ANKRD55: variants seen among roughly 807,000 people sequenced by gnomAD.
ANKRD55 encodes the protein ankyrin repeat domain-containing protein 55.
Under a neutral mutation model 60.6 loss-of-function variants are expected in ANKRD55, and 41 were observed. That is an observed-to-expected ratio of 0.68 (90% confidence interval 0.53 to 0.88). The LOEUF is 0.88. Ranked by LOEUF, ANKRD55 falls within the 40% of genes least tolerant of loss-of-function variation. The pLI is 0.00. For missense variants in ANKRD55, 732 were observed against 767.6 expected (o/e 0.95, Z 0.55); for synonymous variants, 264 against 290.3 (o/e 0.91, Z 0.92).
At chr5:56,129,889 T>A (rs991550015) in intron 7 of ANKRD55, among the ~76,000 whole-genome samples, 1 of 152,176 alleles carries the variant, frequency 6.6e-6, no homozygotes, top group Non-Finnish European at 1.5e-5. Context: ...GGTTTTGTGA[T>A]GTGAGAAGAT....
At chr5:56,175,329 G>A (rs1758715022) in intron 4 of ANKRD55, among the ~76,000 whole-genome samples, 1 of 152,212 alleles carries the variant, frequency 6.6e-6, no homozygotes, top group South Asian at 2.1e-4. Flanking sequence ...GCAAGCCATA[G>A]CAAATGCAAG....
intron 7 of ANKRD55, among the ~76,000 whole-genome samples, chr5:56,136,339 C>G (rs1437704267): frequency 6.6e-6 from 1 of 152,176 alleles, no homozygotes; most frequent in Non-Finnish European, 1.5e-5. Flanking sequence ...GTGACTGACA[C>G]TACTCAACTT....
intron 2 of ANKRD55, among the ~76,000 whole-genome samples, chr5:56,226,186 A>G (rs160001): frequency 6.6e-6 from 1 of 151,846 alleles, no homozygotes; most frequent in African/African-American, 2.4e-5. Context: ...CACACATCTA[A>G]AACCATCTGA....
At chr5:56,182,944 G>A (rs1758881819) in intron 3 of ANKRD55, among the ~76,000 whole-genome samples, 1 of 152,106 alleles carries the variant, frequency 6.6e-6, no homozygotes, top group Non-Finnish European at 1.5e-5. Flanking sequence ...GGCTTTTGTT[G>A]TTTTTCTTGC....
intron 5 of ANKRD55, chr5:56,160,840 G>C (rs1224693898): frequency 2.0e-5 from 3 of 152,238 alleles, no homozygotes; most frequent in East Asian, 1.9e-4. Context: ...ATCTGGGAGA[G>C]GGGGGCAGCC....
At chr5:56,117,320 A>T (rs1458300635) in intron 8 of ANKRD55, among the ~76,000 whole-genome samples, 1 of 151,850 alleles carries the variant, frequency 6.6e-6, no homozygotes, top group Non-Finnish European at 1.5e-5. Context: ...GCCTTTTGTC[A>T]TTTTTCTATT....
chr5:56,103,920 G>A (rs1001986625), intron 10 of ANKRD55, among the ~76,000 whole-genome samples: 3 of 152,118 alleles, frequency 2.0e-5, no homozygotes, highest in East Asian at 1.9e-4. Flanking sequence ...GTGCAGAAGC[G>A]GCCACCTCAG....
At chr5:56,132,611 A>G (rs1262700988) in intron 7 of ANKRD55, among the ~76,000 whole-genome samples, 1 of 151,448 alleles carries the variant, frequency 6.6e-6, no homozygotes, top group African/African-American at 2.4e-5. Context: ...AAAAAAAAGA[A>G]TAAGGGCAGC....
intron 2 of ANKRD55, among the ~76,000 whole-genome samples, chr5:56,192,293 T>C (rs1403604842): frequency 6.6e-6 from 1 of 152,102 alleles, no homozygotes; most frequent in Non-Finnish European, 1.5e-5. Context: ...ACTCTGAGGG[T>C]AGAAAATGGA....
chr5:56,158,839 A>T (rs1758256696), intron 6 of ANKRD55, among the ~76,000 whole-genome samples: 2 of 152,032 alleles, frequency 1.3e-5, no homozygotes, highest in South Asian at 4.1e-4. Context: ...GACTATAGGC[A>T]TGTGCCACCA....
intron 10 of ANKRD55, among the ~76,000 whole-genome samples, chr5:56,104,371 T>C (rs995696867): frequency 6.6e-6 from 1 of 152,188 alleles, no homozygotes; most frequent in Non-Finnish European, 1.5e-5. Context: ...GGGCTGACCC[T>C]GTAACTTCTA....
intron 2 of ANKRD55, among the ~76,000 whole-genome samples, chr5:56,192,012 A>G (rs116592709): frequency 0.035 from 5,353 of 152,318 alleles, 322 homozygotes; most frequent in African/African-American, 0.12. Context: ...TGAGAGCAGG[A>G]AAGTTTTTTT....
chr5:56,223,856 A>C (rs765522625), intron 2 of ANKRD55, among the ~76,000 whole-genome samples: 52 of 152,332 alleles, frequency 3.4e-4, no homozygotes, highest in Non-Finnish European at 6.6e-4. Flanking sequence ...AGAGAACTAC[A>C]AAGAGACTTA....
intron 8 of ANKRD55, among the ~76,000 whole-genome samples, chr5:56,123,773 C>T (rs1757149820): frequency 2.6e-5 from 4 of 152,200 alleles, no homozygotes; most frequent in Non-Finnish European, 4.4e-5. Context: ...TGCTGAGTAA[C>T]GAGGGGAGCA....
intron 2 of ANKRD55, among the ~76,000 whole-genome samples, chr5:56,210,109 G>C (rs1319425002): frequency 1.3e-5 from 2 of 152,086 alleles, no homozygotes; most frequent in Non-Finnish European, 2.9e-5. Context: ...CCGATTTCAA[G>C]CTATTTTCCC....
At chr5:56,114,786 A>G (rs1282563508) in intron 9 of ANKRD55, among the ~76,000 whole-genome samples, 1 of 152,238 alleles carries the variant, frequency 6.6e-6, no homozygotes, top group Non-Finnish European at 1.5e-5. Flanking sequence ...GTATCGTATC[A>G]AAGAAAAATA....
At chr5:56,109,987 G>T (rs1756625512) in intron 10 of ANKRD55, among the ~76,000 whole-genome samples, 1 of 151,980 alleles carries the variant, frequency 6.6e-6, no homozygotes, top group South Asian at 2.1e-4. Flanking sequence ...CACTGTGGAG[G>T]TTGCAGTGAG....
intron 2 of ANKRD55, among the ~76,000 whole-genome samples, chr5:56,202,371 A>T (rs1270099087): frequency 6.6e-6 from 1 of 151,868 alleles, no homozygotes; most frequent in Non-Finnish European, 1.5e-5. Flanking sequence ...TACTACTTTG[A>T]CATTGATAGG....
At position 56,111,262 on chromosome 5, in the gene ANKRD55, T is replaced by C. The variant is rs1244151227; in HGVS notation, c.1486A>G (p.Ser496Gly). 7 of 1,613,632 alleles carry C rather than the reference T, an allele frequency of 4.3e-6. No homozygotes were observed. Among genetic ancestry groups the C allele is most frequent in the Non-Finnish European group, 5.1e-6 (6 of 1,179,656 alleles). The change falls in exon 10 of 12, where the codon AGT (serine) becomes GGT (glycine). Residue 496 changes from serine (S) to glycine (G), a missense_variant. By Grantham distance (56) the Ser-to-Gly change is moderately conservative. Around this residue, in one of 3 missense-constraint regions of ANKRD55, gnomAD observed 597 missense variants for 607.5 expected, o/e 0.98. Transcript: ENST00000341048. ...TAGGAAAATACCTGATTAGAATCAC[T>C]CTTCCAGGGGTTATCTAGTAACATC... Reference protein sequence around the residue: ...CQMLLDNPWKSDSNQVFSYKV... With the variant: ...CQMLLDNPWKGDSNQVFSYKV...
Sources: gnomAD v4.1 joint callset for allele counts (sites outside exome capture counted in the v4.1 genomes callset) on GRCh38, gnomAD v4.1.1 for gene constraint, gnomAD v4.1.1 regional missense constraint, MANE v1.5 for transcripts, NCBI Gene and HGNC (gene_info 2026-07-23, HGNC 2026-07-21) for gene names.